The following DEPDC5 variants were observed in gnomAD, a reference collection of about 807,000 sequenced individuals.
The protein encoded by DEPDC5 is DEP domain containing 5, GATOR1 subcomplex subunit, also known as GATOR1 complex protein DEPDC5.
In DEPDC5, 73 loss-of-function variants were observed where a neutral mutation model predicts 217.3. The observed-to-expected ratio is 0.34, with a 90% CI of 0.28 to 0.41. The LOEUF (loss-of-function observed/expected upper bound fraction) is 0.41, where lower values mean the gene tolerates loss of function less well. DEPDC5 is among the 10% of genes least tolerant of loss of function. The pLI, the probability that DEPDC5 is intolerant of heterozygous loss-of-function variation, is 1.00. For synonymous variants in DEPDC5, 733 were observed against 756.7 expected (o/e 0.97, Z 0.51); for missense variants, 1,675 against 2,070.1 (o/e 0.81, Z 3.70).
At chr22:31,809,692 T>C in intron 19 of DEPDC5, 45 bp downstream of exon 19, 1 of 1,606,828 alleles carries the variant, frequency 6.2e-7, no homozygotes, top group Non-Finnish European at 8.5e-7. Flanking sequence ...AAAAAGAGAG[T>C]CAGCTGGCTG....
At chr22:31,803,203 C>T (rs937594464) in intron 15 of DEPDC5, among the ~76,000 whole-genome samples, 18 of 151,728 alleles carry the variant, frequency 1.2e-4, no homozygotes, top group African/African-American at 3.4e-4. Flanking sequence ...TGCTGTCAGC[C>T]GATTTTCTTT....
chr22:31,866,401 T>C (rs1035338645), intron 33 of DEPDC5, among the ~76,000 whole-genome samples: 8 of 152,314 alleles, frequency 5.3e-5, no homozygotes, highest in African/African-American at 1.9e-4. Context: ...TTTTTCTTTC[T>C]TTTTTGAGAC....
rs984111235 is a variant in DEPDC5 at position 31,876,377 on chromosome 22, T to C, written c.3805+112T>C. On this transcript the variant is annotated intron_variant, in intron 37 of 42. Coordinates refer to ENST00000651528, the MANE Select transcript of DEPDC5 (RefSeq NM_001242896.3). ...TGCATGTGTGACTTTGTATTATAAGTTGACAGATCTGTCAACTTCCTTGAG... is the reference window on the plus strand; with the variant it reads ...TGCATGTGTGACTTTGTATTATAAGCTGACAGATCTGTCAACTTCCTTGAG... 3.0e-5 allele frequency: 23 copies of C among 770,318 alleles called. No individual in the cohort carries two copies. In the South Asian group the frequency reaches 3.5e-4, roughly 12 times the overall value. The allele number at this position is 770,318 out of a possible 1,614,324, so 47.7% of individuals were successfully genotyped here. A position where few individuals can be genotyped will look rare whatever the true frequency, so the allele number is the denominator to read the frequency against.
intron 2 of DEPDC5, among the ~76,000 whole-genome samples, chr22:31,757,839 C>G (rs2082062024): frequency 1.3e-5 from 2 of 152,140 alleles, no homozygotes; most frequent in Non-Finnish European, 2.9e-5. Flanking sequence ...TTTCGGCTCA[C>G]TGTAACCTCT....
At chr22:31,836,031 C>A (rs2072138806) in intron 25 of DEPDC5, among the ~76,000 whole-genome samples, 1 of 152,234 alleles carries the variant, frequency 6.6e-6, no homozygotes, top group South Asian at 2.1e-4. Context: ...TTGCTCCCTT[C>A]TTTGGAAAGT....
intron 33 of DEPDC5, among the ~76,000 whole-genome samples, chr22:31,868,723 A>G (rs2092756416): frequency 6.6e-6 from 1 of 152,214 alleles, no homozygotes; most frequent in African/African-American, 2.4e-5. Context: ...CACCGCACCC[A>G]GCTGAGAAGC....
Position 31,810,581 on chromosome 22 carries a change from A to T in DEPDC5, c.1385A>T (p.Tyr462Phe). The T allele has an allele frequency of 3.7e-6, 6 of 1,614,186 alleles. No individual in the cohort carries two copies. Among genetic ancestry groups the T allele is most frequent in the Non-Finnish European group, 5.1e-6 (6 of 1,180,034 alleles). Residue 462 changes from tyrosine (Y) to phenylalanine (F), a missense_variant, in exon 20 of 43, where the codon TAT becomes TTT. Physicochemically the swap from Tyr to Phe is conservative, Grantham distance 22 (BLOSUM62 3). Around this residue, in one of 11 missense-constraint regions of DEPDC5, gnomAD observed 628 missense variants for 762.1 expected, o/e 0.82. Transcript: ENST00000651528. ...CCCATCCAAGTAGATTATGACGCCT[A>T]TGACGCTCAAGTGTTCAGGCTGCCC... ...ALPIQVDYDA[Y>F]DAQVFRLPGP...
chr22:31,873,362 A>AAGGT (rs1480706045), intron 35 of DEPDC5, 30 bp downstream of exon 35: 1 of 1,605,184 alleles, frequency 6.2e-7, no homozygotes, highest in Admixed American at 1.7e-5. Flanking sequence ...GTAGGGTTGG[A>AAGGT]AGGTTCCCAG....
chr22:31,901,043 G>C (rs1426657763), intron 40 of DEPDC5, among the ~76,000 whole-genome samples: 1 of 152,222 alleles, frequency 6.6e-6, no homozygotes, highest in Non-Finnish European at 1.5e-5. Flanking sequence ...AGGAGTTCAA[G>C]ACCAGACTGG....
At chr22:31,893,995 G>A (rs2093495226) in intron 39 of DEPDC5, 2 of 368,520 alleles carry the variant, frequency 5.4e-6, no homozygotes, top group Admixed American at 9.6e-5. Context: ...AATTCTCTGT[G>A]GGGGAGTCCT....
chr22:31,815,909 A>G, intron 21 of DEPDC5: 1 of 1,027,832 alleles, frequency 9.7e-7, no homozygotes, highest in Non-Finnish European at 1.2e-6. Flanking sequence ...GTTAATGGAA[A>G]GCTTTTCTTA....
chr22:31,831,509 G>A (rs2090591803), intron 24 of DEPDC5, among the ~76,000 whole-genome samples: 1 of 152,052 alleles, frequency 6.6e-6, no homozygotes. Flanking sequence ...CCAGGCTGGA[G>A]TGCAGTGGTG....
At position 31,797,719 on chromosome 22, in the gene DEPDC5, A is replaced by G. The variant is rs1445092958; in HGVS notation, c.871+16A>G. 2.5e-6 allele frequency: 4 copies of G among 1,595,866 alleles called. No homozygotes were observed. The highest frequency in any genetic ancestry group is 1.1e-5 in the South Asian group (1 of 90,746). The stretch of plus-strand genomic sequence containing the variant: ...GAACAGGCAGGTACTGCATTCATGT[A>G]ATAGATGGTGCGGCGGGGAAAGGAA... On this transcript the variant is annotated intron_variant, in intron 13 of 42. Coordinates refer to ENST00000651528, the MANE Select transcript of DEPDC5 (RefSeq NM_001242896.3).
intron 31 of DEPDC5, chr22:31,852,796 T>G (rs1365026204): frequency 6.6e-6 from 1 of 152,220 alleles, no homozygotes; most frequent in Non-Finnish European, 1.5e-5. Context: ...TATCATGAAA[T>G]AGCCAGTTGG....
At chr22:31,808,521 A>G (rs925466663) in intron 18 of DEPDC5, among the ~76,000 whole-genome samples, 4 of 151,950 alleles carry the variant, frequency 2.6e-5, no homozygotes, top group Non-Finnish European at 4.4e-5. Context: ...TGCAACCTCC[A>G]TCTCCTGGGT....
In DEPDC5 at chr22:31,834,755, TCCTGACC is replaced by T. The variant is rs530072550; in HGVS notation, c.2170+776_2170+782del. ...TGGTCTCAAACTCCTAACCTCGTGA[TCCTGACC>T]TCGTGATCCGCCCGCCTTGGCCTCC... On this transcript the variant is annotated intron_variant, in intron 25 of 42. Transcript: ENST00000651528. Among the ~76,000 whole-genome samples, 365 of 152,198 alleles carry T rather than the reference TCCTGACC, an allele frequency of 2.4e-3. 1 individual carries two copies. Among genetic ancestry groups the T allele is most frequent in the Non-Finnish European group, 3.6e-3 (243 of 68,002 alleles).
At chr22:31,895,258 C>T (rs12167538) in intron 39 of DEPDC5, among the ~76,000 whole-genome samples, 3 of 151,904 alleles carry the variant, frequency 2.0e-5, no homozygotes, top group Admixed American at 2.0e-4. Context: ...ATGCACAGGG[C>T]AGCCCCCACA....
intron 3 of DEPDC5, among the ~76,000 whole-genome samples, chr22:31,759,930 G>C (rs1320729726): frequency 6.6e-6 from 1 of 151,874 alleles, no homozygotes; most frequent in African/African-American, 2.4e-5. Context: ...TGATCCACCT[G>C]CCTTGGCCTC....
intron 33 of DEPDC5, among the ~76,000 whole-genome samples, chr22:31,863,162 T>C (rs1338002260): frequency 1.3e-5 from 2 of 152,022 alleles, no homozygotes; most frequent in Non-Finnish European, 2.9e-5. Context: ...CCTTTTACTT[T>C]GTGGTTTTTT....
Sources: gnomAD v4.1 joint callset for allele counts (sites outside exome capture counted in the v4.1 genomes callset) on GRCh38, gnomAD v4.1.1 for gene constraint, gnomAD v4.1.1 regional missense constraint, MANE v1.5 for transcripts, NCBI Gene and HGNC (gene_info 2026-07-23, HGNC 2026-07-21) for gene names.